Variants in GNAQ observed in about 807,000 individuals in gnomAD.
GNAQ encodes the protein G protein subunit alpha q.
GNAQ carries 8 observed loss-of-function variants against 43.9 expected under a neutral mutation model. That is an observed-to-expected ratio of 0.18 (90% CI 0.11 to 0.33). The LOEUF (loss-of-function observed/expected upper bound fraction) is 0.33. Among genes scored for constraint, GNAQ ranks in the 10% least tolerant of loss-of-function variants. GNAQ has a pLI of 1.00. For synonymous variants in GNAQ, 155 were observed against 170.7 expected (o/e 0.91, Z 0.71); for missense variants, 158 against 450.8 (o/e 0.35, Z 5.88).
In GNAQ at chr9:77,922,345, C is replaced by A; in HGVS notation, c.137G>T (p.Gly46Val). Reference protein sequence around the residue: ...ARRELKLLLLGTGESGKSTFI... With the variant: ...ARRELKLLLLVTGESGKSTFI... ...CGTACTCTTGCCACTCTCTCCTGTC[C>A]CTGAAAGATGAACAATAGCAGCTCA... Residue 46 changes from glycine (G) to valine (V), a missense_variant and splice_region_variant, in exon 2 of 7, where the codon GGG becomes GTG. Around this residue, in one of 9 missense-constraint regions of GNAQ, gnomAD observed 10 missense variants for 28.8 expected, o/e 0.35. Coordinates refer to ENST00000286548, the MANE Select transcript of GNAQ (RefSeq NM_002072.5). 6.2e-7 allele frequency: 1 copy of A among 1,609,340 alleles called. No homozygotes were observed. The highest frequency in any genetic ancestry group is 8.5e-7 in the Non-Finnish European group (1 of 1,176,184).
At chr9:77,868,071 A>G (rs1827976635) in intron 2 of GNAQ, among the ~76,000 whole-genome samples, 1 of 152,236 alleles carries the variant, frequency 6.6e-6, no homozygotes, top group Non-Finnish European at 1.5e-5. Context: ...TCATAGATGC[A>G]ATAAGGAGAA....
At chr9:77,859,538 T>C (rs538262275) in intron 2 of GNAQ, among the ~76,000 whole-genome samples, 3 of 152,186 alleles carry the variant, frequency 2.0e-5, no homozygotes, top group Admixed American at 6.5e-5. Context: ...TTAGCGTAAA[T>C]TGGAATTTTT....
At chr9:77,953,427 C>G (rs1587428220) in intron 1 of GNAQ, among the ~76,000 whole-genome samples, 1 of 152,120 alleles carries the variant, frequency 6.6e-6, no homozygotes, top group South Asian at 2.1e-4. Flanking sequence ...AAGACAGTAT[C>G]CAAAAGTTGG....
At chr9:77,924,753 T>C (rs1408835734) in intron 1 of GNAQ, among the ~76,000 whole-genome samples, 1 of 152,044 alleles carries the variant, frequency 6.6e-6, no homozygotes, top group East Asian at 1.9e-4. Context: ...ATGAATGAAT[T>C]AGGATAAATT....
chr9:77,964,028 A>G (rs1237582240), intron 1 of GNAQ, among the ~76,000 whole-genome samples: 4 of 152,182 alleles, frequency 2.6e-5, no homozygotes, highest in Admixed American at 6.5e-5. Flanking sequence ...ATTGCTTACA[A>G]AAGTGTCTCG....
chr9:77,909,937 T>C (rs575623238), intron 2 of GNAQ, among the ~76,000 whole-genome samples: 6 of 152,286 alleles, frequency 3.9e-5, no homozygotes, highest in African/African-American at 1.4e-4. Flanking sequence ...TTAAAGTGCA[T>C]TTCTTGCTGA....
At chr9:77,852,290 A>C (rs1827684510) in intron 2 of GNAQ, among the ~76,000 whole-genome samples, 1 of 152,218 alleles carries the variant, frequency 6.6e-6, no homozygotes, top group African/African-American at 2.4e-5. Flanking sequence ...ATAAATTCTC[A>C]GTGCCTGCAG....
intron 1 of GNAQ, among the ~76,000 whole-genome samples, chr9:78,024,375 C>T (rs371888959): frequency 1.3e-5 from 2 of 152,212 alleles, no homozygotes; most frequent in African/African-American, 4.8e-5. Context: ...AAATTCACTT[C>T]TTCCGATTAC....
intron 1 of GNAQ, among the ~76,000 whole-genome samples, chr9:78,003,285 A>G (rs1170508616): frequency 6.6e-6 from 1 of 152,208 alleles, no homozygotes; most frequent in African/African-American, 2.4e-5. Context: ...AGCTATCTCC[A>G]AAGTTTCTCA....
intron 2 of GNAQ, among the ~76,000 whole-genome samples, chr9:77,825,946 T>C (rs1827188784): frequency 6.6e-6 from 1 of 152,022 alleles, no homozygotes; most frequent in South Asian, 2.1e-4. Flanking sequence ...AGCAAAATTT[T>C]ATAAAGGGGT....
chr9:77,915,223 G>C (rs1283107162), intron 2 of GNAQ, among the ~76,000 whole-genome samples: 1 of 152,186 alleles, frequency 6.6e-6, no homozygotes, highest in African/African-American at 2.4e-5. Flanking sequence ...GGAGATTTCT[G>C]TACCTCTTTT....
At chr9:77,798,517 T>G (rs191863546) in intron 3 of GNAQ, among the ~76,000 whole-genome samples, 68 of 152,306 alleles carry the variant, frequency 4.5e-4, no homozygotes, top group Non-Finnish European at 5.3e-4. Flanking sequence ...CGTTGTTATA[T>G]ACTCATATGC....
chr9:77,767,137 A>G (rs1053142897), intron 5 of GNAQ, among the ~76,000 whole-genome samples: 21 of 152,246 alleles, frequency 1.4e-4, no homozygotes, highest in African/African-American at 4.8e-4. Context: ...CTTGATGTCA[A>G]TGAGTTGGCA....
At chr9:77,800,317 C>G (rs1369144500) in intron 3 of GNAQ, among the ~76,000 whole-genome samples, 2 of 152,020 alleles carry the variant, frequency 1.3e-5, no homozygotes, top group African/African-American at 2.4e-5. Flanking sequence ...AGACTTGGAA[C>G]CAACCCAAAT....
intron 1 of GNAQ, among the ~76,000 whole-genome samples, chr9:78,020,858 T>C (rs566006221): frequency 5.9e-5 from 9 of 152,222 alleles, no homozygotes; most frequent in African/African-American, 1.9e-4. Flanking sequence ...CCAACGCTGA[T>C]AAGTTGATGA....
At chr9:77,775,769 G>A (rs995634481) in intron 5 of GNAQ, among the ~76,000 whole-genome samples, 3 of 151,954 alleles carry the variant, frequency 2.0e-5, no homozygotes, top group East Asian at 1.9e-4. Context: ...TTGTGTTTCC[G>A]TAATTATGGC....
intron 2 of GNAQ, among the ~76,000 whole-genome samples, chr9:77,892,408 A>T (rs1219136733): frequency 6.6e-6 from 1 of 152,240 alleles, no homozygotes; most frequent in Non-Finnish European, 1.5e-5. Context: ...AACACAAAGA[A>T]GGACACTGTC....
At chr9:77,831,010 T>TA (rs1317573320) in intron 2 of GNAQ, among the ~76,000 whole-genome samples, 1 of 152,228 alleles carries the variant, frequency 6.6e-6, no homozygotes, top group Non-Finnish European at 1.5e-5. Flanking sequence ...GATGGACACT[T>TA]ACTAGCAAAA....
intron 2 of GNAQ, among the ~76,000 whole-genome samples, chr9:77,837,113 T>A (rs1480908666): frequency 6.6e-6 from 1 of 152,176 alleles, no homozygotes; most frequent in Non-Finnish European, 1.5e-5. Flanking sequence ...TTCTACTACT[T>A]CTTAGTTCAA....
Sources: allele counts gnomAD v4.1 joint callset (sites outside exome capture counted in the v4.1 genomes callset), GRCh38; gene constraint gnomAD v4.1.1; regional missense constraint gnomAD v4.1.1; transcripts MANE v1.5; gene names NCBI Gene and HGNC (gene_info 2026-07-23, HGNC 2026-07-21).